UNC5C: variants seen among roughly 807,000 people sequenced by gnomAD.
UNC5C encodes the protein unc-5 netrin receptor C.
UNC5C carries 47 observed loss-of-function variants against 99.8 expected under a neutral mutation model. The observed-to-expected ratio is 0.47, with a 90% CI of 0.37 to 0.60. The LOEUF is 0.60. Among genes scored for constraint, UNC5C ranks in the 20% least tolerant of loss-of-function variants. UNC5C has a pLI of 0.00. For synonymous variants in UNC5C, 487 were observed against 452.2 expected, an observed-to-expected ratio of 1.08 and a Z score of -0.98; for missense variants, 1,062 against 1,165.9, an observed-to-expected ratio of 0.91 and a Z score of 1.30.
chr4:95,444,185 G>A (rs980096740), intron 1 of UNC5C, among the ~76,000 whole-genome samples: 1 of 152,162 alleles, frequency 6.6e-6, no homozygotes, highest in African/African-American at 2.4e-5. Flanking sequence ...AAACTGCACT[G>A]GCAGATAAAG....
At chr4:95,235,961 T>C (rs922421676) in intron 7 of UNC5C, among the ~76,000 whole-genome samples, 4 of 152,218 alleles carry the variant, frequency 2.6e-5, no homozygotes, top group East Asian at 1.9e-4. Flanking sequence ...TGTGGAGAAA[T>C]AGGAACACTT....
At chr4:95,516,358 AG>A (rs1178773565) in intron 1 of UNC5C, among the ~76,000 whole-genome samples, 2 of 152,198 alleles carry the variant, frequency 1.3e-5, no homozygotes, top group African/African-American at 2.4e-5. Flanking sequence ...TGACTGGGAC[AG>A]AAGGTTCTTT....
chr4:95,220,218 AT>A, intron 7 of UNC5C, 42 bp from the exon 8 acceptor site: 1 of 1,570,968 alleles, frequency 6.4e-7, no homozygotes, highest in Non-Finnish European at 8.7e-7. Flanking sequence ...GCTTATAGAA[AT>A]TTCCCACAGT....
At chr4:95,326,948 T>G (rs17023545) in intron 2 of UNC5C, among the ~76,000 whole-genome samples, 29,901 of 152,116 alleles carry the variant, frequency 0.2, 3,306 homozygotes, top group African/African-American at 0.29. Flanking sequence ...TGATTATAAG[T>G]CAGAGGTATG....
chr4:95,309,110 C>T (rs564210556), intron 2 of UNC5C, among the ~76,000 whole-genome samples: 28 of 152,118 alleles, frequency 1.8e-4, no homozygotes, highest in South Asian at 1.2e-3. Flanking sequence ...CAAAATAGCT[C>T]GCCCAGAAAT....
chr4:95,512,362 T>C (rs1386502688), intron 1 of UNC5C, among the ~76,000 whole-genome samples: 1 of 152,182 alleles, frequency 6.6e-6, no homozygotes, highest in Non-Finnish European at 1.5e-5. Flanking sequence ...TCGGGATTTT[T>C]ACAAAGAAAC....
At chr4:95,524,931 G>A (rs1367248484) in intron 1 of UNC5C, among the ~76,000 whole-genome samples, 2 of 152,122 alleles carry the variant, frequency 1.3e-5, no homozygotes, top group Non-Finnish European at 2.9e-5. Flanking sequence ...TTCTGGGTAG[G>A]TCAAGTTTCT....
intron 3 of UNC5C, among the ~76,000 whole-genome samples, chr4:95,301,195 ATTTT>A (rs34905310): frequency 7.9e-6 from 1 of 125,836 alleles, no homozygotes. Flanking sequence ...TTTTTCCAGG[ATTTT>A]TTTTTTTTTT....
intron 14 of UNC5C, among the ~76,000 whole-genome samples, chr4:95,177,278 C>G (rs1338793813): frequency 6.6e-6 from 1 of 152,190 alleles, no homozygotes; most frequent in East Asian, 1.9e-4. Context: ...AAGCACGTAA[C>G]TTGTTGGTGT....
chr4:95,296,169 G>A (rs1439339012), intron 3 of UNC5C, among the ~76,000 whole-genome samples: 2 of 152,224 alleles, frequency 1.3e-5, no homozygotes, highest in African/African-American at 2.4e-5. Context: ...GGATCAGCCT[G>A]TACAGAGAGA....
intron 4 of UNC5C, among the ~76,000 whole-genome samples, chr4:95,259,256 C>T (rs1460752706): frequency 6.6e-6 from 1 of 152,086 alleles, no homozygotes; most frequent in East Asian, 1.9e-4. Flanking sequence ...TTATAAGGTT[C>T]TTAAAAACTA....
chr4:95,526,940 A>C (rs1049251893), intron 1 of UNC5C, among the ~76,000 whole-genome samples: 3 of 152,128 alleles, frequency 2.0e-5, no homozygotes, highest in Non-Finnish European at 4.4e-5. Flanking sequence ...TATTAAAAGA[A>C]TATGTAGCAC....
At position 95,476,272 on chromosome 4, in the gene UNC5C, A is replaced by G. The variant is rs189030825; in HGVS notation, c.124+72462T>C. 2.0e-4 allele frequency among the ~76,000 whole-genome samples: 30 copies of G among 152,032 alleles called. No homozygotes were observed. The East Asian group carries it at 5.4e-3, about 28-fold the overall frequency. On this transcript the variant is annotated intron_variant, in intron 1 of 15. Coordinates refer to ENST00000453304, the MANE Select transcript of UNC5C (RefSeq NM_003728.4). ...CTCTCTCTCTTCAGATCTCTGATAC[A>G]TGGATTAGCTTCTCGGTAAATATTT...
At chr4:95,230,790 C>A (rs1738884416) in intron 7 of UNC5C, among the ~76,000 whole-genome samples, 1 of 151,658 alleles carries the variant, frequency 6.6e-6, no homozygotes, top group Admixed American at 6.6e-5. Context: ...TGAGACAGAT[C>A]TGCCTTCACA....
At chr4:95,273,661 G>T (rs959023080) in intron 4 of UNC5C, among the ~76,000 whole-genome samples, 1 of 152,164 alleles carries the variant, frequency 6.6e-6, no homozygotes, top group Admixed American at 6.5e-5. Flanking sequence ...TAACAAAAGT[G>T]TTATTAAAGG....
At position 95,322,740 on chromosome 4, in the gene UNC5C, AC is replaced by A. The variant is rs373418968; in HGVS notation, c.346+12669del. ...GATCACCTGAGGTCAGGAGTTTGAG[AC>A]CAGCCTGGCCAACACAGTGAAATGC... On this transcript the variant is annotated intron_variant, in intron 2 of 15. Transcript: ENST00000453304. 3.2e-4 allele frequency among the ~76,000 whole-genome samples: 49 copies of A among 152,028 alleles called. No homozygotes were observed. The East Asian group carries it at 8.6e-3, about 27-fold the overall frequency.
At chr4:95,438,746 C>T (rs1746862582) in intron 1 of UNC5C, among the ~76,000 whole-genome samples, 1 of 152,138 alleles carries the variant, frequency 6.6e-6, no homozygotes, top group Non-Finnish European at 1.5e-5. Context: ...AATCTAAGCA[C>T]ACATTCTATG....
intron 14 of UNC5C, among the ~76,000 whole-genome samples, chr4:95,176,148 A>AT (rs980543384): frequency 6.6e-6 from 1 of 150,702 alleles, no homozygotes; most frequent in African/African-American, 2.4e-5. Flanking sequence ...ATTCTTCTAA[A>AT]TTTTTTTCAA....
chr4:95,371,760 A>G (rs1486885320), intron 1 of UNC5C, among the ~76,000 whole-genome samples: 1 of 152,220 alleles, frequency 6.6e-6, no homozygotes, highest in Non-Finnish European at 1.5e-5. Flanking sequence ...TCACAGTAGC[A>G]TAAAGGACAC....
Sources: allele counts gnomAD v4.1 joint callset (sites outside exome capture counted in the v4.1 genomes callset), GRCh38; gene constraint gnomAD v4.1.1; transcripts MANE v1.5; gene names NCBI Gene and HGNC (gene_info 2026-07-23, HGNC 2026-07-21).